The following KIF17 variants were observed in gnomAD, a reference collection of about 807,000 sequenced individuals.
KIF17 encodes the protein kinesin family member 17, also known as kinesin-like protein KIF17.
KIF17 carries 80 observed loss-of-function variants against 96.8 expected under a neutral mutation model. The observed-to-expected ratio is 0.83, with a 90% confidence interval of 0.69 to 1.00. The LOEUF (loss-of-function observed/expected upper bound fraction) is 1.00. KIF17 is among the 50% of genes least tolerant of loss of function. KIF17 has a pLI of 0.00. For synonymous variants in KIF17, 567 were observed against 587.5 expected, an observed-to-expected ratio of 0.97 and a Z score of 0.51; for missense variants, 1,280 against 1,372.9, an observed-to-expected ratio of 0.93 and a Z score of 1.07.
rs1163571555 is a variant in KIF17 at position 20,704,996 on chromosome 1, C to T, written c.671-97G>A. 2.8e-5 allele frequency: 31 copies of T among 1,096,092 alleles called. No individual in the cohort carries two copies. Among genetic ancestry groups the T allele is most frequent in the Non-Finnish European group, 3.8e-5 (28 of 735,372 alleles). The allele number at this position is 1,096,092 out of a possible 1,614,324, so 67.9% of individuals were successfully genotyped here. A position where few individuals can be genotyped will look rare whatever the true frequency, so the allele number is the denominator to read the frequency against. On this transcript the variant is annotated intron_variant, in intron 4 of 14. Transcript: ENST00000400463. This position sits in a 1 kb window ranked among gnomAD's most constrained non-coding sequence, Gnocchi z 6.8. Reference sequence around the variant, plus strand: ...CACTGGGTGCTCAATGCCCACCCACCGAGGGTTCCCCTCAGCTGCACAGGA... The same window carrying T: ...CACTGGGTGCTCAATGCCCACCCACTGAGGGTTCCCCTCAGCTGCACAGGA...
At position 20,717,560 on chromosome 1, in the gene KIF17, G is replaced by T. The variant is rs761513454; in HGVS notation, c.147C>A (p.Pro49=). The T allele has an allele frequency of 1.9e-6, 3 of 1,611,538 alleles. No individual in the cohort carries two copies. The Admixed American group carries it at 5.0e-5, about 27-fold the overall frequency. Residue 49 remains proline (P), a synonymous_variant, in exon 1 of 15, where the codon CCC becomes CCA. Transcript: ENST00000400463. The part of the protein sequence containing the change: ...IQNPGAADEP[P]KQFTFDGAYH... ...AGGCGCCGTCGAAGGTGAACTGCTT[G>T]GGCGGCTCGTCGGCGGCGCCCGGGT... is the stretch of plus-strand genomic sequence containing the variant.
rs1361694756 is a variant in KIF17 at position 20,687,141 on chromosome 1, C to A, written c.1938+247G>T. 1.3e-5 allele frequency among the ~76,000 whole-genome samples: 2 copies of A among 152,194 alleles called. No individual in the cohort carries two copies. The highest frequency in any genetic ancestry group is 4.8e-5 in the African/African-American group (2 of 41,444). On this transcript the variant is annotated intron_variant, in intron 8 of 14. Coordinates refer to ENST00000400463, the MANE Select transcript of KIF17 (RefSeq NM_001122819.3). This position sits in a 1 kb window ranked among gnomAD's most constrained non-coding sequence, Gnocchi z 4.4. ...CAGAACGGGAGCCCACCTGGCATAA[C>A]CTTGCATCGCGACCCCAACTTTCTT...
At chr1:20,689,483 T>C (rs958724462) in intron 7 of KIF17, among the ~76,000 whole-genome samples, 2 of 152,094 alleles carry the variant, frequency 1.3e-5, no homozygotes, top group African/African-American at 4.8e-5. Flanking sequence ...AAATCCCGTC[T>C]CTACTGAAAA....
chr1:20,684,307 G>A (rs367648332), intron 10 of KIF17, among the ~76,000 whole-genome samples: 34 of 152,242 alleles, frequency 2.2e-4, no homozygotes, highest in East Asian at 3.9e-4. Context: ...CTGGGTCTCC[G>A]CCTGTTGAAC....
rs1209001003 is a variant in KIF17 at position 20,670,456 on chromosome 1, T to G, written c.2755A>C (p.Lys919Gln). ...TCGCCATTGTCTGCTGCAGAGGTTTTGCGGGCTGGTTTGTTCTGTGGCCCA... is the reference window on the plus strand; with the variant it reads ...TCGCCATTGTCTGCTGCAGAGGTTTGGCGGGCTGGTTTGTTCTGTGGCCCA... ...STGPQNKPAR[K>Q]TSAADNGEPN... The change falls in exon 13 of 15, where the codon AAA (lysine) becomes CAA (glutamine). Residue 919 changes from lysine (K) to glutamine (Q), a missense_variant. Physicochemically the swap from Lys to Gln is moderately conservative, Grantham distance 53 (BLOSUM62 1). Coordinates refer to ENST00000400463, the MANE Select transcript of KIF17 (RefSeq NM_001122819.3). The G allele has an allele frequency of 6.2e-7, 1 of 1,614,008 alleles. No individual in the cohort carries two copies. The highest frequency in any genetic ancestry group is 1.3e-5 in the African/African-American group (1 of 74,930).
At chr1:20,697,102 C>G (rs1322175857) in intron 6 of KIF17, among the ~76,000 whole-genome samples, 2 of 152,172 alleles carry the variant, frequency 1.3e-5, no homozygotes, top group African/African-American at 4.8e-5. Flanking sequence ...GCCCACAGGA[C>G]AGAGATCTCC....
chr1:20,714,394 G>T (rs1426157370), intron 2 of KIF17, among the ~76,000 whole-genome samples: 1 of 152,222 alleles, frequency 6.6e-6, no homozygotes, highest in African/African-American at 2.4e-5. Flanking sequence ...GGAGGCTGAG[G>T]CATGAGAATT....
intron 13 of KIF17, among the ~76,000 whole-genome samples, chr1:20,667,308 G>T (rs1275588299): frequency 6.6e-6 from 1 of 152,216 alleles, no homozygotes; most frequent in East Asian, 1.9e-4. Flanking sequence ...TCCAGGTTGT[G>T]GTTCTTATGA....
At chr1:20,694,697 T>G (rs758259479) in intron 6 of KIF17, among the ~76,000 whole-genome samples, 2 of 152,222 alleles carry the variant, frequency 1.3e-5, no homozygotes, top group African/African-American at 4.8e-5. Flanking sequence ...ATAATTCAGA[T>G]GTAACCACGC....
Position 20,672,430 on chromosome 1 carries a change from C to T in KIF17, c.2464-234G>A, listed in dbSNP as rs539239886. The stretch of plus-strand genomic sequence containing the variant: ...ATCCAATCACCCTGCTGTCTCTCCA[C>T]CCAGCATTTAAATGAGCACCTAATG... On this transcript the variant is annotated intron_variant, in intron 11 of 14. Transcript: ENST00000400463. This position sits in a 1 kb window ranked among gnomAD's most constrained non-coding sequence, Gnocchi z 4.3. Among the ~76,000 whole-genome samples, 4 of 152,272 alleles carry T rather than the reference C, an allele frequency of 2.6e-5. No individual in the cohort carries two copies. The highest frequency in any genetic ancestry group is 4.1e-4 in the South Asian group (2 of 4,828).
At chr1:20,690,045 G>T in intron 7 of KIF17, 143 bp downstream of exon 7, 1 of 853,938 alleles carries the variant, frequency 1.2e-6, no homozygotes, top group South Asian at 1.6e-5. Context: ...CATAATTGTG[G>T]TACCTACCTT....
rs1553149017 is a variant in KIF17, at chr1:20,669,564, T to TAAATA, written c.2790+852_2790+856dup. ...ATAATAATAATAATAATAATAATAA[T>TAAATA]AAATAAAATAAAATAAAATAAAATA... On this transcript the variant is annotated intron_variant, in intron 13 of 14. Transcript: ENST00000400463. 7.0e-3 allele frequency among the ~76,000 whole-genome samples: 869 copies of TAAATA among 124,402 alleles called. 12 individuals are homozygous for TAAATA. Among genetic ancestry groups the TAAATA allele is most frequent in the African/African-American group, 0.024 (771 of 32,270 alleles). 81.6% of individuals were successfully genotyped at this position (124,402 alleles called of 152,430 possible).
At chr1:20,712,890 GATA>G (rs1410111018) in intron 3 of KIF17, among the ~76,000 whole-genome samples, 3 of 82,558 alleles carry the variant, frequency 3.6e-5, no homozygotes, top group African/African-American at 6.6e-5. Flanking sequence ...ATATAATATA[GATA>G]ATATTATCTA....
In KIF17 at chr1:20,699,788, G is replaced by A. The variant is rs1037830889; in HGVS notation, c.1124-1300C>T. Among the ~76,000 whole-genome samples the A allele has an allele frequency of 3.3e-5, 5 of 152,168 alleles. No individual in the cohort carries two copies. The highest frequency in any genetic ancestry group is 9.6e-5 in the African/African-American group (4 of 41,460). ...CCAGGAGGCCAGTGTGGCTGGAGGG[G>A]AGGGAGTGATGGGCAGGACAGGTGG... On this transcript the variant is annotated intron_variant, in intron 5 of 14. Transcript: ENST00000400463. This position sits in a 1 kb window ranked among gnomAD's most constrained non-coding sequence, Gnocchi z 4.3.
At chr1:20,663,044 A>G (rs1432052288), downstream of KIF17, among the ~76,000 whole-genome samples, 3 of 149,112 alleles carry the variant, frequency 2.0e-5, no homozygotes, top group East Asian at 3.9e-4. Context: ...CCTGGCCAAC[A>G]TGGTGAAACC....
intron 14 of KIF17, 102 bp downstream of exon 14, chr1:20,666,112 G>C (rs2053522415): frequency 1.1e-6 from 1 of 887,072 alleles, no homozygotes; most frequent in African/African-American, 1.6e-5. Context: ...GCTCCGAGAG[G>C]GAAAGGAGTT....
intron 11 of KIF17, among the ~76,000 whole-genome samples, chr1:20,678,070 AAAAG>A (rs2053769134): frequency 6.6e-6 from 1 of 152,244 alleles, no homozygotes; most frequent in African/African-American, 2.4e-5. Context: ...TTTATAAAGA[AAAAG>A]AAGTTTAATG....
intron 6 of KIF17, chr1:20,694,089 A>G (rs1470364865): frequency 6.6e-6 from 1 of 151,672 alleles, no homozygotes; most frequent in Non-Finnish European, 1.5e-5. Context: ...CCAAAGAGCA[A>G]GGACCATCCT....
intron 11 of KIF17, among the ~76,000 whole-genome samples, chr1:20,679,522 G>A (rs1570440997): frequency 6.6e-6 from 1 of 152,252 alleles, no homozygotes; most frequent in African/African-American, 2.4e-5. Flanking sequence ...AGAGAAGGCA[G>A]AGAGGCAGGC....
Sources: gnomAD v4.1 joint callset for allele counts (sites outside exome capture counted in the v4.1 genomes callset) on GRCh38, gnomAD v4.1.1 for gene constraint, Gnocchi (gnomAD v3.1) non-coding constraint, MANE v1.5 for transcripts, NCBI Gene and HGNC (gene_info 2026-07-23, HGNC 2026-07-21) for gene names.